Variants in KLF15 observed in about 807,000 individuals in gnomAD.
KLF15 encodes the protein Krueppel-like factor 15.
A neutral mutation model predicts 24.6 loss-of-function variants in KLF15; 4 were observed. That is an observed-to-expected ratio of 0.16 (90% CI 0.08 to 0.37). The LOEUF is 0.37. Ranked by LOEUF, KLF15 falls within the 10% of genes least tolerant of loss-of-function variation. KLF15 has a pLI of 1.00. For missense variants in KLF15, 496 were observed against 560.6 expected (o/e 0.88, Z 1.16); for synonymous variants, 246 against 236.3 (o/e 1.04, Z -0.37).
chr3:126,299,149 T>G, the KLF15 span, among the ~76,000 whole-genome samples: 8 of 152,176 alleles, frequency 5.3e-5, no homozygotes, highest in Non-Finnish European at 1.2e-4. Context: ...CTTTCATCAG[T>G]GTTTTGTAGT....
the KLF15 span, among the ~76,000 whole-genome samples, chr3:126,307,585 T>C: frequency 0.65 from 98,284 of 152,066 alleles, 32,160 homozygotes; most frequent in African/African-American, 0.73. Flanking sequence ...CTCTCACTGC[T>C]GTGTGGGAGA....
At chr3:126,304,333 A>T in the KLF15 span, among the ~76,000 whole-genome samples, 7 of 152,224 alleles carry the variant, frequency 4.6e-5, no homozygotes, top group African/African-American at 1.7e-4. Flanking sequence ...TGAGTATGGT[A>T]TCTAATGCTG....
chr3:126,298,878 A>G, the KLF15 span, among the ~76,000 whole-genome samples: 4 of 152,302 alleles, frequency 2.6e-5, 1 homozygote, highest in African/African-American at 7.2e-5. Flanking sequence ...GCCTTGTGAT[A>G]TAGTTTGAAG....
chr3:126,296,505 C>A, the KLF15 span, among the ~76,000 whole-genome samples: 1 of 152,378 alleles, frequency 6.6e-6, no homozygotes, highest in African/African-American at 2.4e-5. Context: ...CCACGCCAGA[C>A]TGCAACATAC....
chr3:126,356,094 A>G lies in KLF15; in HGVS notation c.-26+1143T>C, dbSNP rs559611719. Among the ~76,000 whole-genome samples the G allele has an allele frequency of 6.6e-6, 1 of 152,106 alleles. No homozygotes were observed. Among genetic ancestry groups the G allele is most frequent in the Non-Finnish European group, 1.5e-5 (1 of 67,998 alleles). ...GGGACACAGCGGCTGCAGGAACAAC[A>G]TGTAATTGATAACAAGCCCAGCGCC... On this transcript the variant is annotated intron_variant, in intron 1 of 2. Coordinates refer to ENST00000296233, the MANE Select transcript of KLF15 (RefSeq NM_014079.4). The surrounding 1 kb of genome is among the most constrained non-coding windows in gnomAD (Gnocchi z 4.4).
chr3:126,294,471 G>A, the KLF15 span, among the ~76,000 whole-genome samples: 7 of 152,100 alleles, frequency 4.6e-5, no homozygotes, highest in South Asian at 2.1e-4. Flanking sequence ...TATTAATTGC[G>A]ATTCATCTGT....
At chr3:126,350,121 C>T (rs1389597999) in intron 2 of KLF15, among the ~76,000 whole-genome samples, 2 of 152,238 alleles carry the variant, frequency 1.3e-5, no homozygotes, top group Non-Finnish European at 2.9e-5. Context: ...CTCAAGACCA[C>T]AGCCCCCACA....
At chr3:126,317,075 G>A in the KLF15 span, among the ~76,000 whole-genome samples, 20 of 152,100 alleles carry the variant, frequency 1.3e-4, no homozygotes, top group Admixed American at 5.9e-4. Context: ...TCTCTGGGTA[G>A]CAGCAAACCC....
At chr3:126,288,357 C>T in the KLF15 span, 1 of 152,214 alleles carries the variant, frequency 6.6e-6, no homozygotes, top group Non-Finnish European at 1.5e-5. Context: ...TCCGGCAAGC[C>T]GTGGGTTTGA....
At chr3:126,302,034 C>G in the KLF15 span, among the ~76,000 whole-genome samples, 2 of 152,062 alleles carry the variant, frequency 1.3e-5, no homozygotes, top group African/African-American at 4.8e-5. Flanking sequence ...TAAATTTTCT[C>G]TAAGTACTGC....
Position 126,352,353 on chromosome 3 carries a change from C to G in KLF15, c.570G>C (p.Glu190Asp). 6.3e-7 allele frequency: 1 copy of G among 1,599,918 alleles called. No individual in the cohort carries two copies. Among genetic ancestry groups the G allele is most frequent in the Non-Finnish European group, 8.5e-7 (1 of 1,173,638 alleles). ...SHLHPGSSGR[E>D]RCSPPPGGAS... The stretch of plus-strand genomic sequence containing the variant: ...CACCACCTGGTGGAGGGGAACAGCG[C>G]TCTCTCCCGCTGGACCCAGGATGGA... Residue 190 changes from glutamate to aspartate, a missense_variant, in exon 2 of 3, where the codon GAG (glutamate) becomes GAC (aspartate). Glu to Asp is a conservative substitution (Grantham distance 45, BLOSUM62 2). Transcript: ENST00000296233.
At chr3:126,331,620 A>G in the KLF15 span, among the ~76,000 whole-genome samples, 1 of 152,218 alleles carries the variant, frequency 6.6e-6, no homozygotes, top group African/African-American at 2.4e-5. Context: ...AGGAGCCAAG[A>G]TGGCCGAATA....
chr3:126,297,706 T>C, the KLF15 span, among the ~76,000 whole-genome samples: 1 of 152,242 alleles, frequency 6.6e-6, no homozygotes, highest in Non-Finnish European at 1.5e-5. Flanking sequence ...TATTTGGTTT[T>C]CTTTTTCTGA....
the KLF15 span, among the ~76,000 whole-genome samples, chr3:126,328,452 T>G: frequency 6.6e-6 from 1 of 152,222 alleles, no homozygotes; most frequent in African/African-American, 2.4e-5. Context: ...TACCTAGTAG[T>G]GGCATTGCTG....
the KLF15 span, among the ~76,000 whole-genome samples, chr3:126,295,638 C>T: frequency 2.6e-5 from 4 of 152,202 alleles, no homozygotes; most frequent in South Asian, 6.2e-4. Flanking sequence ...ACAAGTGAGA[C>T]TGTCTGTCCC....
chr3:126,325,023 T>C, the KLF15 span, among the ~76,000 whole-genome samples: 1 of 100,954 alleles, frequency 9.9e-6, no homozygotes, highest in African/African-American at 4.1e-5. Context: ...TGTGATCTCA[T>C]TGTTCAATTC....
At chr3:126,291,211 G>A in the KLF15 span, 4 of 152,258 alleles carry the variant, frequency 2.6e-5, no homozygotes, top group African/African-American at 9.6e-5. Flanking sequence ...AAATGAAAGA[G>A]GGCACAGCAA....
the KLF15 span, among the ~76,000 whole-genome samples, chr3:126,315,528 C>A: frequency 1.3e-5 from 2 of 152,196 alleles, no homozygotes; most frequent in East Asian, 3.9e-4. Context: ...TCCTGGGCTC[C>A]CTACACAAGA....
chr3:126,347,642 A>G (rs541329699), intron 2 of KLF15, among the ~76,000 whole-genome samples: 3 of 152,358 alleles, frequency 2.0e-5, no homozygotes, highest in South Asian at 2.1e-4. Flanking sequence ...TATGTCTGAC[A>G]GTGAGGCAAG....
Sources: gnomAD v4.1 joint callset for allele counts (sites outside exome capture counted in the v4.1 genomes callset) on GRCh38, gnomAD v4.1.1 for gene constraint, Gnocchi (gnomAD v3.1) non-coding constraint, MANE v1.5 for transcripts, NCBI Gene and HGNC (gene_info 2026-07-23, HGNC 2026-07-21) for gene names.